Variants in ENTREP2 observed in about 807,000 individuals in gnomAD.
ENTREP2 encodes the protein protein ENTREP2.
At chr15:29,511,639 G>C in the ENTREP2 span, among the ~76,000 whole-genome samples, 1 of 151,680 alleles carries the variant, frequency 6.6e-6, no homozygotes, top group Non-Finnish European at 1.5e-5. Context: ...GAGTGTCAGA[G>C]ATTTGTCAAA....
the ENTREP2 span, among the ~76,000 whole-genome samples, chr15:29,568,125 T>C: frequency 6.6e-6 from 1 of 152,218 alleles, no homozygotes. Context: ...TTCTGCAAAG[T>C]GTTGTAGACA....
At chr15:29,134,803 T>C in the ENTREP2 span, among the ~76,000 whole-genome samples, 1 of 152,180 alleles carries the variant, frequency 6.6e-6, no homozygotes, top group Non-Finnish European at 1.5e-5. Context: ...CATTGCCACC[T>C]GGCTTGCGTG....
chr15:29,245,769 T>TTG, the ENTREP2 span, among the ~76,000 whole-genome samples: 303 of 152,054 alleles, frequency 2.0e-3, 1 homozygote, highest in African/African-American at 6.7e-3. Flanking sequence ...GAAATGAAAA[T>TTG]TACATAATAA....
At chr15:29,487,895 G>A in the ENTREP2 span, among the ~76,000 whole-genome samples, 335 of 152,320 alleles carry the variant, frequency 2.2e-3, no homozygotes, top group African/African-American at 7.3e-3. Context: ...ATTTTGCCAT[G>A]TTGGCCAGGC....
the ENTREP2 span, among the ~76,000 whole-genome samples, chr15:29,258,523 C>A: frequency 2.0e-5 from 3 of 151,584 alleles, no homozygotes; most frequent in Non-Finnish European, 2.9e-5. Flanking sequence ...GGTAAAATAT[C>A]CATAATAAAA....
At chr15:29,555,354 C>T in the ENTREP2 span, among the ~76,000 whole-genome samples, 1 of 152,136 alleles carries the variant, frequency 6.6e-6, no homozygotes, top group Non-Finnish European at 1.5e-5. Context: ...AGCTTCTCCC[C>T]AAAGAAAGAA....
At chr15:29,387,499 G>T in the ENTREP2 span, among the ~76,000 whole-genome samples, 1 of 152,200 alleles carries the variant, frequency 6.6e-6, no homozygotes, top group Non-Finnish European at 1.5e-5. Flanking sequence ...AACATTCCAT[G>T]CTCATGGATA....
the ENTREP2 span, among the ~76,000 whole-genome samples, chr15:29,663,737 T>G: frequency 1.3e-5 from 2 of 151,840 alleles, no homozygotes; most frequent in African/African-American, 2.4e-5. Flanking sequence ...GGGGGAGAGA[T>G]AGCATTAGGA....
the ENTREP2 span, among the ~76,000 whole-genome samples, chr15:29,594,140 T>C: frequency 6.6e-6 from 1 of 152,184 alleles, no homozygotes; most frequent in South Asian, 2.1e-4. Context: ...CCTGACCTTC[T>C]GCTAGGTGGT....
the ENTREP2 span, chr15:29,266,844 G>C: frequency 6.6e-6 from 1 of 152,154 alleles, no homozygotes; most frequent in African/African-American, 2.4e-5. Context: ...TTTAAAATTT[G>C]AAACAAGATT....
the ENTREP2 span, chr15:29,234,988 A>G: frequency 2.9e-6 from 4 of 1,396,826 alleles, no homozygotes; most frequent in South Asian, 2.3e-5. Flanking sequence ...CACAGCCATC[A>G]TGCACATTTA....
the ENTREP2 span, among the ~76,000 whole-genome samples, chr15:29,293,905 C>G: frequency 6.6e-6 from 1 of 152,218 alleles, no homozygotes; most frequent in East Asian, 1.9e-4. Context: ...ATGCTGTCCT[C>G]ACAGCGCATC....
the ENTREP2 span, among the ~76,000 whole-genome samples, chr15:29,405,734 G>T: frequency 1.3e-5 from 2 of 152,240 alleles, no homozygotes; most frequent in African/African-American, 4.8e-5. Context: ...AGTGCCCACC[G>T]GAGCAAGGGC....
At chr15:29,146,934 T>TG in the ENTREP2 span, among the ~76,000 whole-genome samples, 10 of 150,762 alleles carry the variant, frequency 6.6e-5, no homozygotes, top group African/African-American at 2.5e-4. Context: ...GACTCCATCT[T>TG]GGGGAAAAAA....
the ENTREP2 span, among the ~76,000 whole-genome samples, chr15:29,371,911 A>ATAG: frequency 3.3e-4 from 49 of 149,616 alleles, no homozygotes; most frequent in South Asian, 1.3e-3. Context: ...AAAATAAATA[A>ATAG]ATAGATAGAT....
chr15:29,608,982 A>ATCTACTCTT, the ENTREP2 span, among the ~76,000 whole-genome samples: 1 of 151,072 alleles, frequency 6.6e-6, no homozygotes, highest in East Asian at 2.0e-4. Flanking sequence ...ATACTGGTAT[A>ATCTACTCTT]TCTGGGGTTC....
chr15:29,414,090 C>G, the ENTREP2 span, among the ~76,000 whole-genome samples: 1 of 151,956 alleles, frequency 6.6e-6, no homozygotes, highest in Non-Finnish European at 1.5e-5. Flanking sequence ...GACAGATCAA[C>G]GAGACAGAAA....
At chr15:29,300,630 G>A in the ENTREP2 span, among the ~76,000 whole-genome samples, 14 of 152,214 alleles carry the variant, frequency 9.2e-5, no homozygotes, top group African/African-American at 3.1e-4. Flanking sequence ...ATGGAGTCTC[G>A]CTCTGTCAGC....
At chr15:29,598,738 C>T in the ENTREP2 span, among the ~76,000 whole-genome samples, 1 of 151,886 alleles carries the variant, frequency 6.6e-6, no homozygotes, top group Non-Finnish European at 1.5e-5. Context: ...GCTTTGTCGC[C>T]CAGGCTGGAG....
Sources: gnomAD v4.1 joint callset for allele counts (sites outside exome capture counted in the v4.1 genomes callset) on GRCh38, gnomAD v4.1.1 for gene constraint, MANE v1.5 for transcripts, NCBI Gene and HGNC (gene_info 2026-07-23, HGNC 2026-07-21) for gene names.